NALCN: variants seen among roughly 807,000 people sequenced by gnomAD.
NALCN encodes sodium leak channel NALCN.
Under a neutral mutation model 225.3 loss-of-function variants are expected in NALCN, and 111 were observed. That is an observed-to-expected ratio of 0.49 (90% CI 0.42 to 0.58). NALCN has a LOEUF of 0.58. Ranked by LOEUF, NALCN falls within the 20% of genes least tolerant of loss-of-function variation. The pLI, the probability that NALCN is intolerant of heterozygous loss-of-function variation, is 0.00. For synonymous variants in NALCN, 764 were observed against 769.0 expected (o/e 0.99, Z 0.11); for missense variants, 1,378 against 2,202.4 (o/e 0.63, Z 7.49).
intron 1 of NALCN, among the ~76,000 whole-genome samples, chr13:101,411,367 G>T (rs980843982): frequency 7.0e-6 from 1 of 142,656 alleles, no homozygotes; most frequent in Admixed American, 7.2e-5. Flanking sequence ...TTTTTGAGAC[G>T]GAGTCTTGCC....
intron 9 of NALCN, among the ~76,000 whole-genome samples, chr13:101,290,048 T>G (rs1270064304): frequency 6.6e-6 from 1 of 152,108 alleles, no homozygotes; most frequent in Non-Finnish European, 1.5e-5. Flanking sequence ...TAATGAAGGT[T>G]TTTCACAATT....
At chr13:101,384,329 TGAGGA>T (rs1467182308) in intron 3 of NALCN, among the ~76,000 whole-genome samples, 1 of 152,096 alleles carries the variant, frequency 6.6e-6, no homozygotes, top group Non-Finnish European at 1.5e-5. Flanking sequence ...CTTTGGTGGC[TGAGGA>T]GAGGAGTGCT....
At chr13:101,212,924 T>A (rs530183624) in intron 13 of NALCN, among the ~76,000 whole-genome samples, 18 of 152,258 alleles carry the variant, frequency 1.2e-4, no homozygotes, top group Non-Finnish European at 2.6e-4. Flanking sequence ...AATGACTTTC[T>A]TCACAGAATT....
chr13:101,316,541 A>G lies in NALCN; in HGVS notation c.800-24175T>C, dbSNP rs113831740. On this transcript the variant is annotated intron_variant, in intron 7 of 43. Transcript: ENST00000251127. ...TTCCTGACTTTCTGTCATTACTGAAAATATTATGTGAGGTCCAGCAAAGAA... is the reference window on the plus strand; with the variant it reads ...TTCCTGACTTTCTGTCATTACTGAAGATATTATGTGAGGTCCAGCAAAGAA... Among the ~76,000 whole-genome samples, 13 of 152,314 alleles carry G rather than the reference A, an allele frequency of 8.5e-5. 1 individual carries two copies. The highest frequency in any genetic ancestry group is 3.1e-4 in the African/African-American group (13 of 41,568).
At chr13:101,317,420 T>G (rs1471700401) in intron 7 of NALCN, among the ~76,000 whole-genome samples, 1 of 152,190 alleles carries the variant, frequency 6.6e-6, no homozygotes, top group Non-Finnish European at 1.5e-5. Flanking sequence ...CCAATCTCCA[T>G]CTGAAAAGTG....
At chr13:101,100,487 G>A (rs547436554) in intron 27 of NALCN, among the ~76,000 whole-genome samples, 2 of 152,334 alleles carry the variant, frequency 1.3e-5, no homozygotes, top group African/African-American at 4.8e-5. Context: ...TTTGTGGGAA[G>A]AGAATTCTTA....
intron 3 of NALCN, among the ~76,000 whole-genome samples, chr13:101,388,423 T>TA (rs79595206): frequency 7.7e-5 from 11 of 143,772 alleles, no homozygotes; most frequent in South Asian, 2.3e-4. Flanking sequence ...AGATTGAAAA[T>TA]AAAAAAAAAA....
intron 26 of NALCN, among the ~76,000 whole-genome samples, chr13:101,101,283 T>TTC (rs1210578609): frequency 7.2e-6 from 1 of 139,522 alleles, no homozygotes; most frequent in Non-Finnish European, 1.6e-5. Context: ...TTTTTTTTCT[T>TTC]TTTTTTTTTT....
At chr13:101,092,504 C>T (rs566879226) in intron 28 of NALCN, among the ~76,000 whole-genome samples, 2 of 152,282 alleles carry the variant, frequency 1.3e-5, no homozygotes, top group African/African-American at 4.8e-5. Context: ...CCTAGACTTT[C>T]CTCCTCACCT....
intron 6 of NALCN, among the ~76,000 whole-genome samples, chr13:101,351,337 G>GT (rs554498604): frequency 1.3e-5 from 2 of 152,012 alleles, no homozygotes; most frequent in Non-Finnish European, 2.9e-5. Flanking sequence ...GCAGCTAATT[G>GT]TTTTTTTAAA....
intron 13 of NALCN, among the ~76,000 whole-genome samples, chr13:101,209,119 T>C (rs953118153): frequency 6.6e-6 from 1 of 152,186 alleles, no homozygotes; most frequent in Admixed American, 6.5e-5. Flanking sequence ...TGAAGTCGTT[T>C]TGAGAATTAT....
chr13:101,058,968 A>C (rs34972871), intron 42 of NALCN: 62,896 of 152,164 alleles, frequency 0.41, 13,531 homozygotes, highest in East Asian at 0.58. Context: ...GAGCTATGGC[A>C]CCAGTGGGCC....
chr13:101,129,589 T>A (rs1245397136), intron 17 of NALCN, among the ~76,000 whole-genome samples: 2 of 152,178 alleles, frequency 1.3e-5, no homozygotes, highest in Non-Finnish European at 2.9e-5. Context: ...ATTGGAAAAT[T>A]GGAAAAATGG....
intron 14 of NALCN, among the ~76,000 whole-genome samples, chr13:101,178,890 T>C (rs886481855): frequency 1.3e-5 from 2 of 152,214 alleles, no homozygotes; most frequent in African/African-American, 2.4e-5. Context: ...CATTGCAGCC[T>C]GCGTTAGAGC....
intron 42 of NALCN, chr13:101,058,980 C>T (rs2031600052): frequency 6.6e-6 from 1 of 152,318 alleles, no homozygotes; most frequent in African/African-American, 2.4e-5. Flanking sequence ...CAGTGGGCCT[C>T]CTGGAGCACC....
chr13:101,367,947 T>C (rs963047153), intron 6 of NALCN, among the ~76,000 whole-genome samples: 7 of 151,966 alleles, frequency 4.6e-5, no homozygotes, highest in Non-Finnish European at 7.4e-5. Flanking sequence ...TCACTTTGAA[T>C]GTTCTTACAC....
At chr13:101,217,823 CT>C (rs2040797300) in intron 13 of NALCN, among the ~76,000 whole-genome samples, 1 of 152,136 alleles carries the variant, frequency 6.6e-6, no homozygotes, top group East Asian at 1.9e-4. Flanking sequence ...AGGTACCTAC[CT>C]ATTTGGGCAT....
intron 15 of NALCN, among the ~76,000 whole-genome samples, chr13:101,164,061 C>T (rs1050641874): frequency 3.3e-5 from 5 of 152,190 alleles, no homozygotes; most frequent in Non-Finnish European, 7.3e-5. Context: ...TGAGTCCACC[C>T]TAATGACCTC....
chr13:101,372,054 A>C (rs2046554625), intron 6 of NALCN, among the ~76,000 whole-genome samples: 1 of 152,200 alleles, frequency 6.6e-6, no homozygotes, highest in Non-Finnish European at 1.5e-5. Context: ...AAAAATTTGA[A>C]ACGTCATGTT....
Sources: gnomAD v4.1 joint callset for allele counts (sites outside exome capture counted in the v4.1 genomes callset) on GRCh38, gnomAD v4.1.1 for gene constraint, MANE v1.5 for transcripts, NCBI Gene and HGNC (gene_info 2026-07-23, HGNC 2026-07-21) for gene names.